The following DERL3 variants were observed in gnomAD, a reference collection of about 807,000 sequenced individuals.
DERL3 encodes derlin-3.
In DERL3, 20 loss-of-function variants were observed where a neutral mutation model predicts 23.8. That is an observed-to-expected ratio of 0.84 (90% CI 0.59 to 1.22). DERL3 has a LOEUF of 1.22. DERL3 is among the 50% of genes most tolerant of loss of function. The pLI is 0.00. For missense variants in DERL3, 319 were observed against 304.1 expected (o/e 1.05, Z -0.36); for synonymous variants, 145 against 132.5 (o/e 1.09, Z -0.65).
At position 23,837,504 on chromosome 22, in the gene DERL3, G is replaced by GT. The variant is rs370656125; in HGVS notation, c.523+154dup. On this transcript the variant is annotated intron_variant, in intron 5 of 6. Transcript: ENST00000318109. ...TGTGGGCCGGCTGGCTTGAGGGGCTGTAAGAGCACAGCAGCTGGGAGGGCA... is the reference window on the plus strand; with the variant it reads ...TGTGGGCCGGCTGGCTTGAGGGGCTGTTAAGAGCACAGCAGCTGGGAGGGCA... The GT allele has an allele frequency of 3.7e-6, 3 of 820,268 alleles. No individual in the cohort carries two copies. The African/African-American group carries it at 5.2e-5, about 14-fold the overall frequency. The allele number at this position is 820,268 out of a possible 1,614,324, so 50.8% of individuals were successfully genotyped here.
At chr22:23,838,039 C>A in intron 4 of DERL3, 185 bp from the exon 5 acceptor site, 1 of 1,384,144 alleles carries the variant, frequency 7.2e-7, no homozygotes, top group Non-Finnish European at 9.6e-7. Flanking sequence ...GCCCTGCACA[C>A]CTACAGCCTC....
At position 23,835,904 on chromosome 22, in the gene DERL3, C is replaced by T. The variant is rs1481920676; in HGVS notation, c.*965G>A. 4 of 985,394 alleles carry T rather than the reference C, an allele frequency of 4.1e-6. No homozygotes were observed. In the African/African-American group the frequency reaches 5.2e-5, roughly 13 times the overall value. The allele number at this position is 985,394 out of a possible 1,614,324, so 61.0% of individuals were successfully genotyped here. ...AGCTCACACCGCCGCAAAGCCATCT[C>T]CACAAGGTCTGGCTACAACACGGAG... On this transcript the variant is annotated 3_prime_UTR_variant, in exon 7 of 7. Transcript: ENST00000318109.
At position 23,837,795 on chromosome 22, in the gene DERL3, C is replaced by G. The variant is rs1248079152; in HGVS notation, c.387G>C (p.Val129=). 1 of 1,613,770 alleles carries G rather than the reference C, an allele frequency of 6.2e-7. No homozygotes were observed. Among genetic ancestry groups the G allele is most frequent in the South Asian group, 1.1e-5 (1 of 91,080 alleles). Residue 129 remains valine (V), a synonymous_variant, in exon 5 of 7, where the codon GTG becomes GTC. Coordinates refer to ENST00000318109, the MANE Select transcript of DERL3 (RefSeq NM_001002862.3). ...FLGQALMAML[V]YVWSRRSPRV... ...GAGGGCTGCGGCGGCTCCACACGTA[C>G]ACCAGCATGGCCATGAGGGCCTGGC...
At chr22:23,838,319 A>C in intron 4 of DERL3, 33 bp downstream of exon 4, 1 of 1,572,548 alleles carries the variant, frequency 6.4e-7, no homozygotes, top group Non-Finnish European at 8.6e-7. Context: ...GAGGCGCCCT[A>C]GCCCGAGGTT....
At chr22:23,838,139 T>C in intron 4 of DERL3, 1 of 1,527,940 alleles carries the variant, frequency 6.5e-7, no homozygotes, top group South Asian at 1.2e-5. Flanking sequence ...ACAACCCACC[T>C]GGCTCTTTTG....
At chr22:23,837,444 A>G in intron 5 of DERL3, 1 of 651,094 alleles carries the variant, frequency 1.5e-6, no homozygotes, top group South Asian at 2.0e-5. Context: ...AGGACCGTGC[A>G]AGCATCAGTA....
chr22:23,835,120 C>T lies in DERL3; in HGVS notation c.*1749G>A, dbSNP rs1373287797. ...TGTGAGGAATATGGGAATAGCCCTC[C>T]CGGCCTGGTGCCAGCTCTTGGAGTT... is the stretch of plus-strand genomic sequence containing the variant. On this transcript the variant is annotated 3_prime_UTR_variant, in exon 7 of 7. Transcript: ENST00000318109. The T allele has an allele frequency of 3.9e-5, 53 of 1,370,904 alleles. No homozygotes were observed. Among genetic ancestry groups the T allele is most frequent in the Admixed American group, 2.7e-4 (8 of 30,064 alleles). The allele number at this position is 1,370,904 out of a possible 1,614,324, so 84.9% of individuals were successfully genotyped here.
At chr22:23,837,567 A>T in intron 5 of DERL3, 92 bp downstream of exon 5, 1 of 1,342,502 alleles carries the variant, frequency 7.4e-7, no homozygotes, top group Non-Finnish European at 1.0e-6. Context: ...GGAGAACTCC[A>T]GCAAGGATGG....
rs575259988 is a variant in DERL3 at position 23,836,509 on chromosome 22, G to C, written c.*360C>G. On this transcript the variant is annotated 3_prime_UTR_variant, in exon 7 of 7. Coordinates refer to ENST00000318109, the MANE Select transcript of DERL3 (RefSeq NM_001002862.3). Reference sequence around the variant, plus strand: ...CTTGCCCAAGGCCCTGGTGGGGCCAGGATGAGAACCCTGAGCCTGTCACCT... The same window carrying C: ...CTTGCCCAAGGCCCTGGTGGGGCCACGATGAGAACCCTGAGCCTGTCACCT... 9.8e-7 allele frequency: 1 copy of C among 1,019,572 alleles called. No homozygotes were observed. The highest frequency in any genetic ancestry group is 1.7e-5 in the African/African-American group (1 of 58,318). 63.2% of individuals were successfully genotyped at this position (1,019,572 alleles called of 1,614,324 possible).
In DERL3 at chr22:23,836,300, C is replaced by A. The variant is rs1365246520; in HGVS notation, c.*569G>T. ...GATGAAAAATGAGGCATACGCCCAC[C>A]TGTCAGGGTGGCTGATGAGAGACAG... On this transcript the variant is annotated 3_prime_UTR_variant, in exon 7 of 7. Transcript: ENST00000318109. 23 of 985,376 alleles carry A rather than the reference C, an allele frequency of 2.3e-5. No individual in the cohort carries two copies. The highest frequency in any genetic ancestry group is 1.2e-4 in the Admixed American group (2 of 16,268). 61.0% of individuals were successfully genotyped at this position (985,376 alleles called of 1,614,324 possible). A position where few individuals can be genotyped will look rare whatever the true frequency, so the allele number is the denominator to read the frequency against.
Position 23,835,148 on chromosome 22 carries a change from C to T in DERL3, c.*1721G>A, listed in dbSNP as rs935315550. The stretch of plus-strand genomic sequence containing the variant: ...GCCTGGTGCCAGCTCTTGGAGTTGA[C>T]ACGGTACAGGGAGGAGACACAGCCC... On this transcript the variant is annotated 3_prime_UTR_variant, in exon 7 of 7. Coordinates refer to ENST00000318109, the MANE Select transcript of DERL3 (RefSeq NM_001002862.3). 1.1e-5 allele frequency: 15 copies of T among 1,365,844 alleles called. No individual in the cohort carries two copies. Among genetic ancestry groups the T allele is most frequent in the Non-Finnish European group, 1.4e-5 (15 of 1,062,420 alleles). The allele number at this position is 1,365,844 out of a possible 1,614,324, so 84.6% of individuals were successfully genotyped here. A position where few individuals can be genotyped will look rare whatever the true frequency, so the allele number is the denominator to read the frequency against.
Position 23,835,752 on chromosome 22 carries a change from G to T in DERL3, c.*1117C>A. The stretch of plus-strand genomic sequence containing the variant: ...GAGGTAGGAACCTCGGCAATGAAAG[G>T]GTGAGGCAGCCCTGTGTCTCCACAA... On this transcript the variant is annotated 3_prime_UTR_variant, in exon 7 of 7. Coordinates refer to ENST00000318109, the MANE Select transcript of DERL3 (RefSeq NM_001002862.3). 1 of 985,454 alleles carries T rather than the reference G, an allele frequency of 1.0e-6. No individual in the cohort carries two copies. Among genetic ancestry groups the T allele is most frequent in the Non-Finnish European group, 1.2e-6 (1 of 829,934 alleles). 61.0% of individuals were successfully genotyped at this position (985,454 alleles called of 1,614,324 possible).
rs779024063 is a variant in DERL3, at chr22:23,837,794, AC to A, written c.387del (p.Tyr130ThrfsTer10). 51 of 1,613,722 alleles carry A rather than the reference AC, an allele frequency of 3.2e-5. No individual in the cohort carries two copies. Among genetic ancestry groups the A allele is most frequent in the Admixed American group, 1.3e-4 (8 of 60,000 alleles). ...CGAGGGCTGCGGCGGCTCCACACGT[AC>A]ACCAGCATGGCCATGAGGGCCTGGC... ...FLGQALMAML[V>X]YVWSRRSPRV... On this transcript the variant is annotated frameshift_variant, in exon 5 of 7. Coordinates refer to ENST00000318109, the MANE Select transcript of DERL3 (RefSeq NM_001002862.3). LOFTEE classifies it high-confidence loss of function.
At chr22:23,838,810 G>T (rs768882136) in intron 1 of DERL3, 34 bp from the exon 2 acceptor site, 20 of 1,551,012 alleles carry the variant, frequency 1.3e-5, no homozygotes, top group Admixed American at 3.9e-5. Context: ...GAGCTGCCCG[G>T]GAGCCACGCC....
At position 23,835,756 on chromosome 22, in the gene DERL3, A is replaced by G; in HGVS notation, c.*1113T>C. 1.0e-6 allele frequency: 1 copy of G among 985,468 alleles called. No individual in the cohort carries two copies. The highest frequency in any genetic ancestry group is 1.7e-5 in the African/African-American group (1 of 57,366). The allele number at this position is 985,468 out of a possible 1,614,324, so 61.0% of individuals were successfully genotyped here. On this transcript the variant is annotated 3_prime_UTR_variant, in exon 7 of 7. Coordinates refer to ENST00000318109, the MANE Select transcript of DERL3 (RefSeq NM_001002862.3). ...TAGGAACCTCGGCAATGAAAGGGTG[A>G]GGCAGCCCTGTGTCTCCACAACTGG...
chr22:23,838,708 C>T lies in DERL3; in HGVS notation c.159+3G>A, dbSNP rs760978774. On this transcript the variant is annotated splice_donor_region_variant and intron_variant, in intron 2 of 6. Transcript: ENST00000318109. ...ACAGGTGCGCGGCGCGGGGCGGCCT[C>T]ACCTGGAACTTCCGGAACACAAGGT... The T allele has an allele frequency of 1.3e-4, 204 of 1,549,944 alleles. 1 individual carries two copies. The highest frequency in any genetic ancestry group is 1.7e-4 in the Non-Finnish European group (194 of 1,146,512).
rs60395755 is a variant in DERL3 at position 23,837,334 on chromosome 22, C to T, written c.524-180G>A. On this transcript the variant is annotated intron_variant, in intron 5 of 6. Coordinates refer to ENST00000318109, the MANE Select transcript of DERL3 (RefSeq NM_001002862.3). ...GGCCGTGAAGGACAAGCTTAAAAGG[C>T]CCAGAAGCAGGCAGGACCCAGGGAG... 1.8e-3 allele frequency: 1,432 copies of T among 813,902 alleles called. 13 individuals are homozygous for T. The African/African-American group carries it at 0.021, about 12-fold the overall frequency. 50.4% of individuals were successfully genotyped at this position (813,902 alleles called of 1,614,324 possible).
At position 23,836,843 on chromosome 22, in the gene DERL3, C is replaced by T; in HGVS notation, c.*26G>A. On this transcript the variant is annotated 3_prime_UTR_variant, in exon 7 of 7. Coordinates refer to ENST00000318109, the MANE Select transcript of DERL3 (RefSeq NM_001002862.3). ...GGGTAGGATGGAAGCTGCCAGAAGCCTCTTAGGCCTGGCCCTGGGTGGGGG... is the reference window on the plus strand; with the variant it reads ...GGGTAGGATGGAAGCTGCCAGAAGCTTCTTAGGCCTGGCCCTGGGTGGGGG... 1.4e-6 allele frequency: 2 copies of T among 1,447,396 alleles called. No homozygotes were observed. The highest frequency in any genetic ancestry group is 1.8e-6 in the Non-Finnish European group (2 of 1,099,184). 89.7% of individuals were successfully genotyped at this position (1,447,396 alleles called of 1,614,324 possible).
chr22:23,838,829 G>A, intron 1 of DERL3, 53 bp from the exon 2 acceptor site: 3 of 1,550,902 alleles, frequency 1.9e-6, no homozygotes, highest in Non-Finnish European at 2.6e-6. Flanking sequence ...CCGTAACCAT[G>A]GCGACCCTCA....
Sources: gnomAD v4.1 joint callset for allele counts on GRCh38, gnomAD v4.1.1 for gene constraint, MANE v1.5 for transcripts, NCBI Gene and HGNC (gene_info 2026-07-23, HGNC 2026-07-21) for gene names.